The following DLC1 variants were observed in gnomAD, a reference collection of about 807,000 sequenced individuals.
DLC1 encodes the protein DLC1 Rho GTPase activating protein.
A neutral mutation model predicts 140.3 loss-of-function variants in DLC1; 54 were observed. That is an observed-to-expected ratio of 0.38 (90% confidence interval 0.31 to 0.48). The LOEUF is 0.48. Ranked by LOEUF, DLC1 falls within the 20% of genes least tolerant of loss-of-function variation. The pLI is 0.96. For missense variants in DLC1, 2,536 were observed against 1,907.0 expected (o/e 1.33, Z -6.14); for synonymous variants, 986 against 728.1 (o/e 1.35, Z -5.70).
intron 5 of DLC1, among the ~76,000 whole-genome samples, chr8:13,301,167 AT>A (rs1421562920): frequency 6.6e-6 from 1 of 151,484 alleles, no homozygotes; most frequent in Non-Finnish European, 1.5e-5. Context: ...TGAAACTAAT[AT>A]TTTTTTGAAA....
rs563922956 is a variant in DLC1, at chr8:13,535,177, A to G, written c.-125-34981T>C. 7.2e-5 allele frequency among the ~76,000 whole-genome samples: 11 copies of G among 152,336 alleles called. 1 individual carries two copies. In the South Asian group the frequency reaches 2.1e-3, roughly 29 times the overall value. ...AGAAAAAACATATATACTAATTAAG[A>G]TGATAGTTGCTATAAAGAAAAATAA... On this transcript the variant is annotated intron_variant, in intron 1 of 1. Transcript: ENST00000631382.
chr8:13,373,837 C>A (rs1436717503), intron 4 of DLC1, among the ~76,000 whole-genome samples: 4 of 151,820 alleles, frequency 2.6e-5, no homozygotes, highest in Non-Finnish European at 5.9e-5. Flanking sequence ...TGGCTTAGTA[C>A]AAATAAAAAA....
chr8:13,413,255 G>GTTTTTT (rs1461897724), intron 2 of DLC1, among the ~76,000 whole-genome samples: 5 of 30,128 alleles, frequency 1.7e-4, no homozygotes, highest in Admixed American at 4.0e-4. Context: ...ATTTTTTTGC[G>GTTTTTT]ATTTTTTTTT....
intron 1 of DLC1, among the ~76,000 whole-genome samples, chr8:13,578,624 G>T (rs1418431230): frequency 4.6e-5 from 7 of 152,094 alleles, no homozygotes; most frequent in Non-Finnish European, 2.9e-5. Context: ...CCTCTCCTCA[G>T]GTTCAATTAA....
At chr8:13,253,350 T>C (rs1464670297) in intron 5 of DLC1, among the ~76,000 whole-genome samples, 2 of 152,218 alleles carry the variant, frequency 1.3e-5, no homozygotes, top group Admixed American at 6.6e-5. Flanking sequence ...TGTCATTGGA[T>C]GTCCTCGTTC....
intron 5 of DLC1, among the ~76,000 whole-genome samples, chr8:13,285,829 G>A (rs891082445): frequency 7.2e-5 from 11 of 152,008 alleles, no homozygotes; most frequent in African/African-American, 9.7e-5. Context: ...TTGTACAAAC[G>A]CCTTTTTCCA....
intron 3 of DLC1, among the ~76,000 whole-genome samples, chr8:13,398,828 G>C (rs289574): frequency 6.6e-6 from 1 of 151,988 alleles, no homozygotes; most frequent in African/African-American, 2.4e-5. Context: ...ACACATCTTT[G>C]ATTGATGTTG....
intron 5 of DLC1, among the ~76,000 whole-genome samples, chr8:13,266,772 A>G (rs1830705234): frequency 6.6e-6 from 1 of 152,254 alleles, no homozygotes; most frequent in African/African-American, 2.4e-5. Flanking sequence ...CAAAACAAAA[A>G]AAGAGAAAGC....
At chr8:13,299,671 T>C (rs533890126) in intron 5 of DLC1, among the ~76,000 whole-genome samples, 2 of 152,020 alleles carry the variant, frequency 1.3e-5, no homozygotes, top group South Asian at 4.2e-4. Context: ...ATAGAAAATA[T>C]CAGAAGTATA....
At chr8:13,501,604 A>C (rs1801824860) in intron 1 of DLC1, among the ~76,000 whole-genome samples, 1 of 152,240 alleles carries the variant, frequency 6.6e-6, no homozygotes, top group Non-Finnish European at 1.5e-5. Context: ...AGCTGTTCTG[A>C]CTAAGCACAT....
chr8:13,208,232 T>A (rs1159689105), intron 5 of DLC1, among the ~76,000 whole-genome samples: 1 of 152,166 alleles, frequency 6.6e-6, no homozygotes, highest in Non-Finnish European at 1.5e-5. Context: ...TATATATGTA[T>A]ACTGTCATAC....
chr8:13,479,831 AG>A lies in DLC1; in HGVS notation c.1023+19217del, dbSNP rs1378703213. On this transcript the variant is annotated intron_variant, in intron 2 of 17. Transcript: ENST00000276297. ...AAGAAGAAGAAGAAGAAGAAGAAGA[AG>A]AAGAAGAAGAAGAAGAAGAAGAAGA... 3.9e-3 allele frequency among the ~76,000 whole-genome samples: 144 copies of A among 37,318 alleles called. 9 individuals carry two copies. In the East Asian group the frequency reaches 0.054, roughly 14 times the overall value. The allele number at this position is 37,318 out of a possible 152,430, so 24.5% of individuals were successfully genotyped here.
At chr8:13,276,457 G>A (rs1038301982) in intron 5 of DLC1, 1 of 1,370,442 alleles carries the variant, frequency 7.3e-7, no homozygotes, top group Non-Finnish European at 9.4e-7. Flanking sequence ...TCGGTACTCC[G>A]CCCCGCGCTG....
intron 5 of DLC1, among the ~76,000 whole-genome samples, chr8:13,269,512 T>C (rs1057069304): frequency 2.0e-5 from 3 of 151,678 alleles, no homozygotes; most frequent in Non-Finnish European, 4.4e-5. Flanking sequence ...GGACAGCAGT[T>C]TGAGACCACC....
rs530406008 is a variant in DLC1 at position 13,239,877 on chromosome 8, G to T, written c.1348+65392C>A. On this transcript the variant is annotated intron_variant, in intron 5 of 17. Transcript: ENST00000276297. ...TACAAAGTGGCTTGAAGTCCATCAG[G>T]AGGGAAAGCAGAATTTGGGAGGTAA... Among the ~76,000 whole-genome samples the T allele has an allele frequency of 2.6e-5, 4 of 152,286 alleles. No individual in the cohort carries two copies. The South Asian group carries it at 8.3e-4, about 32-fold the overall frequency.
intron 4 of DLC1, among the ~76,000 whole-genome samples, chr8:13,391,341 G>C (rs1167532539): frequency 1.3e-5 from 2 of 152,154 alleles, no homozygotes; most frequent in African/African-American, 4.8e-5. Context: ...TGTATTCCCA[G>C]ATGACAAGTC....
intron 6 of DLC1, among the ~76,000 whole-genome samples, chr8:13,115,328 C>A (rs1332177922): frequency 6.6e-6 from 1 of 151,970 alleles, no homozygotes; most frequent in Non-Finnish European, 1.5e-5. Context: ...AAAAAGAAAG[C>A]AAGAAAATGA....
intron 5 of DLC1, among the ~76,000 whole-genome samples, chr8:13,273,436 C>T (rs1831028981): frequency 6.6e-6 from 1 of 152,058 alleles, no homozygotes; most frequent in Non-Finnish European, 1.5e-5. Context: ...ACAGAAACTC[C>T]TGTGGGATGT....
chr8:13,265,707 CCTCTT>C (rs1281165508), intron 5 of DLC1, among the ~76,000 whole-genome samples: 1 of 151,584 alleles, frequency 6.6e-6, no homozygotes, highest in African/African-American at 2.4e-5. Flanking sequence ...CCTCTCCTCT[CCTCTT>C]CTCTCCCCTC....
Sources: gnomAD v4.1 joint callset for allele counts (sites outside exome capture counted in the v4.1 genomes callset) on GRCh38, gnomAD v4.1.1 for gene constraint, MANE v1.5 for transcripts, NCBI Gene and HGNC (gene_info 2026-07-23, HGNC 2026-07-21) for gene names.